The following FCHO1 variants were observed in gnomAD, a reference collection of about 807,000 sequenced individuals.
The protein encoded by FCHO1 is F-BAR domain only protein 1.
FCHO1 carries 45 observed loss-of-function variants against 114.4 expected under a neutral mutation model. That is an observed-to-expected ratio of 0.39 (90% confidence interval 0.31 to 0.50). FCHO1 has a LOEUF of 0.50. Among genes scored for constraint, FCHO1 ranks in the 20% least tolerant of loss-of-function variants. FCHO1 has a pLI of 0.77. For synonymous variants in FCHO1, 480 were observed against 488.9 expected, an observed-to-expected ratio of 0.98 and a Z score of 0.24; for missense variants, 1,042 against 1,209.6, an observed-to-expected ratio of 0.86 and a Z score of 2.06.
Position 17,762,872 on chromosome 19 carries a change from A to G in FCHO1, c.119+19A>G, listed in dbSNP as rs1181819513. 2 of 1,564,800 alleles carry G rather than the reference A, an allele frequency of 1.3e-6. No homozygotes were observed. Among genetic ancestry groups the G allele is most frequent in the Non-Finnish European group, 1.8e-6 (2 of 1,135,590 alleles). On this transcript the variant is annotated intron_variant, in intron 5 of 28. Coordinates refer to ENST00000596536, the MANE Select transcript of FCHO1 (RefSeq NM_015122.3). ...GGGAGAGGTGAGGTCCCCAAGCCCC[A>G]TCCACCAGAGGCCACGCCCACCATC...
rs776102334 is a variant in FCHO1 at position 17,770,472 on chromosome 19, G to C, written c.384G>C (p.Ser128=). The C allele has an allele frequency of 1.9e-6, 3 of 1,613,866 alleles. No individual in the cohort carries two copies. The highest frequency in any genetic ancestry group is 2.5e-6 in the Non-Finnish European group (3 of 1,179,924). The change falls in exon 8 of 29, where the codon TCG becomes TCC. Residue 128 remains serine, a synonymous_variant. Transcript: ENST00000596536. ...CCTTGGATGCTGTGCAGGTACTCTC[G>C]GGCGTCAGCCAGCTCCTGCCCAAGT... ...VSTLDAVQVL[S]GVSQLLPKSR...
intron 4 of FCHO1, among the ~76,000 whole-genome samples, chr19:17,756,130 C>T (rs1416586966): frequency 6.6e-6 from 1 of 152,162 alleles, no homozygotes; most frequent in Non-Finnish European, 1.5e-5. Context: ...TGGCAACAAG[C>T]CCCACTCCTG....
upstream of FCHO1, among the ~76,000 whole-genome samples, chr19:17,750,917 C>T (rs1005768754): frequency 2.0e-5 from 3 of 150,946 alleles, no homozygotes; most frequent in South Asian, 2.1e-4. Flanking sequence ...CTCTGGCTCA[C>T]TGCAACCTCC....
chr19:17,779,786 CT>C (rs1422220136), intron 20 of FCHO1, among the ~76,000 whole-genome samples: 1 of 151,248 alleles, frequency 6.6e-6, no homozygotes, highest in Non-Finnish European at 1.5e-5. Context: ...GAGGCTGTGC[CT>C]TTAGGTGTCA....
At chr19:17,770,271 A>T (rs1328709246) in intron 7 of FCHO1, among the ~76,000 whole-genome samples, 154 bp from the exon 8 acceptor site, 1 of 152,222 alleles carries the variant, frequency 6.6e-6, no homozygotes, top group Non-Finnish European at 1.5e-5. Flanking sequence ...ACTGCACTCC[A>T]GCCTGGACAA....
chr19:17,752,736 C>CAAAA (rs760871627), intron 1 of FCHO1, among the ~76,000 whole-genome samples: 1 of 112,166 alleles, frequency 8.9e-6, no homozygotes, highest in Admixed American at 9.0e-5. Context: ...CTAGTCTCTA[C>CAAAA]AAAAAAAAAA....
At chr19:17,778,553 G>A (rs2092951523) in intron 19 of FCHO1, 56 bp from the exon 20 acceptor site, 2 of 1,472,816 alleles carry the variant, frequency 1.4e-6, no homozygotes, top group African/African-American at 1.4e-5. Context: ...CAGGAGGATG[G>A]GCAGGGACTC....
In FCHO1 at chr19:17,772,541, G is replaced by A. The variant is rs1036103313; in HGVS notation, c.679G>A (p.Val227Met). Residue 227 changes from valine (V) to methionine (M), a missense_variant, in exon 10 of 29, where the codon GTG (valine) becomes ATG (methionine). Val to Met is a conservative substitution (Grantham distance 21). Coordinates refer to ENST00000596536, the MANE Select transcript of FCHO1 (RefSeq NM_015122.3). Reference protein sequence around the residue: ...SYAHSVEDTHVQIGQVHEEFK... With the variant: ...SYAHSVEDTHMQIGQVHEEFK... ...TGCTCACTCGGTGGAGGACACGCAC[G>A]TGCAGATTGGGCAGGTGAGTTGGGC... 3.7e-5 allele frequency: 59 copies of A among 1,614,132 alleles called. No individual in the cohort carries two copies. Among genetic ancestry groups the A allele is most frequent in the Non-Finnish European group, 4.8e-5 (57 of 1,179,988 alleles).
chr19:17,776,814 T>G lies in FCHO1; in HGVS notation c.1259+128T>G. The G allele has an allele frequency of 1.1e-6, 1 of 905,010 alleles. No individual in the cohort carries two copies. The highest frequency in any genetic ancestry group is 1.7e-5 in the South Asian group (1 of 60,496). The allele number at this position is 905,010 out of a possible 1,614,324, so 56.1% of individuals were successfully genotyped here. The stretch of plus-strand genomic sequence containing the variant: ...TCATGCTGGGGTTTTTTTGTTTTTG[T>G]TTTTGTTTTGAGACAGAGTCTCACT... On this transcript the variant is annotated intron_variant, in intron 18 of 28. Coordinates refer to ENST00000596536, the MANE Select transcript of FCHO1 (RefSeq NM_015122.3). This position sits in a 1 kb window ranked among gnomAD's most constrained non-coding sequence, Gnocchi z 4.4.
chr19:17,778,320 A>C (rs1001284817), intron 19 of FCHO1, 92 bp downstream of exon 19: 23 of 1,113,764 alleles, frequency 2.1e-5, no homozygotes, highest in Middle Eastern at 5.5e-4. Flanking sequence ...GTCCCCTGGA[A>C]GCCAGGCTGG....
chr19:17,784,265 G>T lies in FCHO1; in HGVS notation c.2226+30G>T, dbSNP rs773229519. ...GCCACCCGCATGGGGCCGGGAGGAG[G>T]TGGTGGAGTGGGGGACACGGTGAGC... On this transcript the variant is annotated intron_variant, in intron 25 of 28. Transcript: ENST00000596536. This position sits in a 1 kb window ranked among gnomAD's most constrained non-coding sequence, Gnocchi z 5.3. The T allele has an allele frequency of 6.4e-7, 1 of 1,570,218 alleles. No homozygotes were observed. Among genetic ancestry groups the T allele is most frequent in the South Asian group, 1.1e-5 (1 of 86,996 alleles).
upstream of FCHO1, among the ~76,000 whole-genome samples, chr19:17,750,935 G>A (rs1333991004): frequency 3.3e-5 from 5 of 149,386 alleles, no homozygotes; most frequent in African/African-American, 2.5e-5. Context: ...TCCACCTCCC[G>A]GGTTCAAGTG....
In FCHO1 at chr19:17,778,155, G is replaced by A. The variant is rs753633721; in HGVS notation, c.1278G>A (p.Gln426=). Residue 426 remains glutamine (Q), a synonymous_variant, in exon 19 of 29, where the codon CAG becomes CAA. Coordinates refer to ENST00000596536, the MANE Select transcript of FCHO1 (RefSeq NM_015122.3). ...TCTCTAGCTGTGCAGAGAGATTGCA[G>A]TCAGAGGAGCAGGTGTCCAAGAACC... The part of the protein sequence containing the change: ...PRTSSCAERL[Q]SEEQVSKNLF... 1.2e-6 allele frequency: 2 copies of A among 1,613,958 alleles called. No homozygotes were observed. Among genetic ancestry groups the A allele is most frequent in the East Asian group, 4.5e-5 (2 of 44,884 alleles).
At chr19:17,768,168 A>G (rs1334559111) in intron 7 of FCHO1, among the ~76,000 whole-genome samples, 6 of 152,122 alleles carry the variant, frequency 3.9e-5, no homozygotes. Flanking sequence ...TCTTGGGTTC[A>G]AGCAATTCTC....
At chr19:17,773,282 ATCTGTAAAG>A (rs2092026811) in intron 11 of FCHO1, among the ~76,000 whole-genome samples, 1 of 152,186 alleles carries the variant, frequency 6.6e-6, no homozygotes, top group Non-Finnish European at 1.5e-5. Flanking sequence ...CAGTTTCCTC[ATCTGTAAAG>A]TGAGGATGTA....
chr19:17,750,141 G>A (rs1451851802), upstream of FCHO1, among the ~76,000 whole-genome samples: 2 of 152,160 alleles, frequency 1.3e-5, no homozygotes, highest in African/African-American at 2.4e-5. Flanking sequence ...AAGACTTGGT[G>A]CCGGGAAGGC....
At chr19:17,749,351 A>G (rs1434962959), upstream of FCHO1, among the ~76,000 whole-genome samples, 1 of 152,168 alleles carries the variant, frequency 6.6e-6, no homozygotes, top group African/African-American at 2.4e-5. Flanking sequence ...TCCTCTGGGA[A>G]GATGGGAGGA....
Position 17,766,795 on chromosome 19 carries a change from C to T in FCHO1, c.321C>T (p.Leu107=). 1 of 1,613,946 alleles carries T rather than the reference C, an allele frequency of 6.2e-7. No individual in the cohort carries two copies. Among genetic ancestry groups the T allele is most frequent in the Non-Finnish European group, 8.5e-7 (1 of 1,179,902 alleles). Residue 107 remains leucine (L), a synonymous_variant, in exon 7 of 29, where the codon CTC becomes CTT. Coordinates refer to ENST00000596536, the MANE Select transcript of FCHO1 (RefSeq NM_015122.3). ...KDVLRYGEEQ[L]KTHKKCKEEV... ...TTCTCCGCTACGGCGAGGAACAGCT[C>T]AAGACCCACAAGAAGGTGTGTGTCG...
rs1163412416 is a variant in FCHO1, at chr19:17,784,360, A to G, written c.2226+125A>G. The G allele has an allele frequency of 4.9e-6, 6 of 1,221,028 alleles. No homozygotes were observed. Among genetic ancestry groups the G allele is most frequent in the East Asian group, 2.6e-5 (1 of 39,142 alleles). The allele number at this position is 1,221,028 out of a possible 1,614,324, so 75.6% of individuals were successfully genotyped here. On this transcript the variant is annotated intron_variant, in intron 25 of 28. Coordinates refer to ENST00000596536, the MANE Select transcript of FCHO1 (RefSeq NM_015122.3). The surrounding 1 kb of genome is among the most constrained non-coding windows in gnomAD (Gnocchi z 5.3). ...CGAATTCCTGACCTCAAGAGATCCA[A>G]TCTGTGAGAGCCGATGAGCTGGAGG...
Sources: allele counts gnomAD v4.1 joint callset (sites outside exome capture counted in the v4.1 genomes callset), GRCh38; gene constraint gnomAD v4.1.1; non-coding constraint Gnocchi (gnomAD v3.1); transcripts MANE v1.5; gene names NCBI Gene and HGNC (gene_info 2026-07-23, HGNC 2026-07-21).